SOX5: variants seen among roughly 807,000 people sequenced by gnomAD.
SOX5 encodes the protein SRY-box transcription factor 5.
A neutral mutation model predicts 92.0 loss-of-function variants in SOX5; 9 were observed. The ratio of observed to expected loss-of-function variants is 0.10; its 90% CI spans 0.06 to 0.17. SOX5 has a LOEUF of 0.17. Among genes scored for constraint, SOX5 ranks in the 10% least tolerant of loss-of-function variants. SOX5 has a pLI of 1.00. For synonymous variants in SOX5, 344 were observed against 336.3 expected (o/e 1.02, Z -0.25); for missense variants, 642 against 944.5 (o/e 0.68, Z 4.20).
chr12:24,269,257 C>T (rs61909910), intron 3 of SOX5, among the ~76,000 whole-genome samples: 1 of 152,068 alleles, frequency 6.6e-6, no homozygotes, highest in East Asian at 1.9e-4. Context: ...GACCAAAAGG[C>T]GTGTACAAAT....
chr12:24,293,111 T>A (rs1194961434), intron 2 of SOX5, among the ~76,000 whole-genome samples: 1 of 152,220 alleles, frequency 6.6e-6, no homozygotes. Context: ...GATATCAATA[T>A]ATCCCACTCA....
intron 4 of SOX5, among the ~76,000 whole-genome samples, chr12:24,170,089 T>G (rs1171863385): frequency 6.6e-6 from 1 of 152,176 alleles, no homozygotes; most frequent in African/African-American, 2.4e-5. Context: ...GATTGTTTCC[T>G]GACCCCGCCG....
intron 1 of SOX5, among the ~76,000 whole-genome samples, chr12:24,374,131 G>A (rs1442753733): frequency 3.3e-5 from 5 of 152,176 alleles, no homozygotes; most frequent in African/African-American, 1.2e-4. Flanking sequence ...GAAGAGGGAT[G>A]AAGAGCTCAG....
At chr12:23,811,422 A>G (rs1311740687) in intron 3 of SOX5, among the ~76,000 whole-genome samples, 2 of 152,202 alleles carry the variant, frequency 1.3e-5, no homozygotes, top group Non-Finnish European at 2.9e-5. Flanking sequence ...GCCCTATTTA[A>G]AAGAAAATAT....
intron 4 of SOX5, among the ~76,000 whole-genome samples, chr12:24,097,658 A>C (rs1340587520): frequency 6.6e-6 from 1 of 152,116 alleles, no homozygotes; most frequent in African/African-American, 2.4e-5. Context: ...CAAGTCAGGA[A>C]TGAATTAATT....
At chr12:24,352,343 C>T (rs1954188889) in intron 2 of SOX5, among the ~76,000 whole-genome samples, 1 of 151,980 alleles carries the variant, frequency 6.6e-6, no homozygotes, top group Admixed American at 6.6e-5. Context: ...TAATGAGAAA[C>T]AAATACAAAG....
chr12:23,719,788 CAAAAAAAAAAAA>C (rs33914230), intron 6 of SOX5, among the ~76,000 whole-genome samples: 1 of 64,174 alleles, frequency 1.6e-5, no homozygotes, highest in Non-Finnish European at 2.8e-5. Context: ...AGCTATTTAC[CAAAAAAAAAAAA>C]AAAAAAAAAA....
chr12:23,967,181 ACAGT>A (rs1269046125), intron 4 of SOX5, among the ~76,000 whole-genome samples: 6 of 152,138 alleles, frequency 3.9e-5, no homozygotes, highest in Non-Finnish European at 7.4e-5. Context: ...GCATACACAC[ACAGT>A]AAGGAAATGA....
chr12:24,322,152 A>G (rs1434702461), intron 2 of SOX5, among the ~76,000 whole-genome samples: 1 of 152,190 alleles, frequency 6.6e-6, no homozygotes, highest in Non-Finnish European at 1.5e-5. Flanking sequence ...GCTGTTTATT[A>G]GTTATATGCT....
At chr12:23,817,047 C>A (rs375008597) in intron 3 of SOX5, among the ~76,000 whole-genome samples, 4 of 152,106 alleles carry the variant, frequency 2.6e-5, no homozygotes, top group African/African-American at 9.7e-5. Context: ...CTATTTTGTC[C>A]CATATTTGTG....
intron 2 of SOX5, among the ~76,000 whole-genome samples, chr12:24,296,026 T>G (rs1947197046): frequency 6.6e-6 from 1 of 152,222 alleles, no homozygotes; most frequent in Admixed American, 6.5e-5. Flanking sequence ...AGAATATGTC[T>G]CATCCTTAAA....
chr12:24,329,065 T>C (rs1473420726), intron 2 of SOX5, among the ~76,000 whole-genome samples: 1 of 152,228 alleles, frequency 6.6e-6, no homozygotes, highest in Non-Finnish European at 1.5e-5. Flanking sequence ...TAAAACTGGA[T>C]ATTCCCATGT....
intron 1 of SOX5, among the ~76,000 whole-genome samples, chr12:24,440,594 T>TTGTGTG (rs56082162): frequency 0.011 from 1,518 of 139,694 alleles, 17 homozygotes; most frequent in Middle Eastern, 0.028. Context: ...ACATGATCCT[T>TTGTGTG]TGTGTGTGTG....
At chr12:23,598,429 C>T (rs1237366028) in intron 9 of SOX5, among the ~76,000 whole-genome samples, 7 of 122,646 alleles carry the variant, frequency 5.7e-5, no homozygotes, top group African/African-American at 1.9e-4. Flanking sequence ...CATGGAGTCT[C>T]CCTCTGTTGC....
chr12:23,871,987 T>C (rs2096877501), intron 2 of SOX5, among the ~76,000 whole-genome samples: 1 of 150,682 alleles, frequency 6.6e-6, no homozygotes, highest in Non-Finnish European at 1.5e-5. Flanking sequence ...TTATATTACA[T>C]TTATTCTTTT....
chr12:24,315,244 T>C (rs1949589709), intron 2 of SOX5, among the ~76,000 whole-genome samples: 1 of 152,214 alleles, frequency 6.6e-6, no homozygotes, highest in Non-Finnish European at 1.5e-5. Flanking sequence ...TTTCTAGCTG[T>C]CTGTAAAAAA....
At chr12:24,009,776 T>C (rs1294543370) in intron 4 of SOX5, among the ~76,000 whole-genome samples, 1 of 152,170 alleles carries the variant, frequency 6.6e-6, no homozygotes. Flanking sequence ...GGTCACATTA[T>C]TTAAGAATAT....
chr12:24,553,422 G>C (rs1953415328), intron 1 of SOX5, among the ~76,000 whole-genome samples: 1 of 152,176 alleles, frequency 6.6e-6, no homozygotes. Flanking sequence ...CTCAAGAGCT[G>C]TTCGTTTTCC....
At chr12:24,134,126 G>A (rs1460840380) in intron 4 of SOX5, among the ~76,000 whole-genome samples, 2 of 151,990 alleles carry the variant, frequency 1.3e-5, no homozygotes, top group Non-Finnish European at 2.9e-5. Context: ...GATAAATGCA[G>A]GTGAAGAAAC....
Sources: allele counts gnomAD v4.1 joint callset (sites outside exome capture counted in the v4.1 genomes callset), GRCh38; gene constraint gnomAD v4.1.1; transcripts MANE v1.5; gene names NCBI Gene and HGNC (gene_info 2026-07-23, HGNC 2026-07-21).